Variants in ZBBX observed in about 807,000 individuals in gnomAD.
ZBBX encodes zinc finger B-box domain-containing protein 1.
In ZBBX, 101 loss-of-function variants were observed where a neutral mutation model predicts 108.5. The observed-to-expected ratio is 0.93, with a 90% CI of 0.79 to 1.10. The LOEUF (loss-of-function observed/expected upper bound fraction) is 1.10. Ranked by LOEUF, ZBBX falls within the 50% of genes least tolerant of loss-of-function variation. The probability of loss-of-function intolerance (pLI) is 0.00; values close to 1 mark genes in which losing one functional copy is unlikely to be tolerated. For missense variants in ZBBX, 1,009 were observed against 941.4 expected (o/e 1.07, Z -0.94); for synonymous variants, 356 against 323.4 (o/e 1.10, Z -1.08).
intron 20 of ZBBX, among the ~76,000 whole-genome samples, chr3:167,247,347 G>A (rs926894285): frequency 6.6e-6 from 1 of 152,158 alleles, no homozygotes; most frequent in African/African-American, 2.4e-5. Flanking sequence ...TAGGGCAGTC[G>A]GAGGAGAGCT....
intron 20 of ZBBX, among the ~76,000 whole-genome samples, chr3:167,266,505 C>T (rs368653569): frequency 1.8e-4 from 28 of 152,256 alleles, no homozygotes; most frequent in Admixed American, 5.9e-4. Flanking sequence ...TGAAACTGCA[C>T]GTCTCACAAG....
At chr3:167,264,414 T>G (rs1333700111) in intron 20 of ZBBX, among the ~76,000 whole-genome samples, 1 of 152,196 alleles carries the variant, frequency 6.6e-6, no homozygotes, top group African/African-American at 2.4e-5. Context: ...TTGCAAGTAA[T>G]ATGTTATAAC....
chr3:167,179,883 C>G, the ZBBX span, among the ~76,000 whole-genome samples: 1 of 152,148 alleles, frequency 6.6e-6, no homozygotes, highest in Admixed American at 6.5e-5. Flanking sequence ...CGAGAATACC[C>G]ACAAAGTCAA....
chr3:167,338,349 G>A (rs1489760425), intron 9 of ZBBX, among the ~76,000 whole-genome samples: 1 of 152,130 alleles, frequency 6.6e-6, no homozygotes, highest in East Asian at 1.9e-4. Context: ...TGGAATGGAT[G>A]GCACCTTGTA....
the ZBBX span, among the ~76,000 whole-genome samples, chr3:167,186,703 G>A: frequency 2.0e-5 from 3 of 151,942 alleles, no homozygotes; most frequent in East Asian, 5.8e-4. Context: ...ATACATAAAG[G>A]GTTTCTGCAA....
chr3:167,330,964 T>TCTCTCTCTCTCTCC (rs1310209358), intron 10 of ZBBX, among the ~76,000 whole-genome samples: 30 of 145,940 alleles, frequency 2.1e-4, no homozygotes, highest in African/African-American at 7.1e-4. Context: ...TCTCTCTCTC[T>TCTCTCTCTCTCTCC]CCCCCACTCC....
At chr3:167,317,741 T>C (rs1357697253) in intron 12 of ZBBX, 144 bp from the exon 13 acceptor site, 2 of 507,858 alleles carry the variant, frequency 3.9e-6, no homozygotes, top group African/African-American at 4.0e-5. Context: ...CAAAGATAAG[T>C]ACAATTGTAT....
chr3:167,330,859 GAGGAGGAGGAGGAGA>G (rs1366869956), intron 10 of ZBBX, among the ~76,000 whole-genome samples: 4,178 of 23,804 alleles, frequency 0.18, 210 homozygotes, highest in East Asian at 0.34. Context: ...GGAGGAGGAG[GAGGAGGAGGAGGAGA>G]AGAAGAAGAA....
intron 17 of ZBBX, among the ~76,000 whole-genome samples, chr3:167,300,723 C>A (rs1350706517): frequency 4.6e-5 from 7 of 151,628 alleles, no homozygotes; most frequent in Admixed American, 4.6e-4. Context: ...GATTCTCCTG[C>A]CTCAGCCTCC....
chr3:167,316,596 AAAT>A (rs1431360155), intron 14 of ZBBX, among the ~76,000 whole-genome samples: 1 of 152,094 alleles, frequency 6.6e-6, no homozygotes. Context: ...TTTAAACGGA[AAAT>A]AATATTAAAT....
intron 20 of ZBBX, among the ~76,000 whole-genome samples, chr3:167,268,608 A>C (rs1218454753): frequency 1.3e-5 from 2 of 152,088 alleles, no homozygotes; most frequent in Non-Finnish European, 2.9e-5. Flanking sequence ...AGATTGAAGG[A>C]CCAAACGAGA....
chr3:167,302,866 T>A (rs1732969302), intron 17 of ZBBX, among the ~76,000 whole-genome samples: 1 of 152,210 alleles, frequency 6.6e-6, no homozygotes, highest in African/African-American at 2.4e-5. Flanking sequence ...AATCCTGATC[T>A]TAGGAAATCC....
chr3:167,245,949 AC>A (rs776046128), intron 20 of ZBBX, among the ~76,000 whole-genome samples: 9 of 152,200 alleles, frequency 5.9e-5, no homozygotes, highest in Non-Finnish European at 1.0e-4. Flanking sequence ...GCATTGTTAT[AC>A]AGTGGCAAGA....
At chr3:167,401,955 G>T (rs958906677) in intron 1 of ZBBX, among the ~76,000 whole-genome samples, 2 of 152,122 alleles carry the variant, frequency 1.3e-5, no homozygotes, top group African/African-American at 4.8e-5. Context: ...CTGATTTCCA[G>T]AGAAAGGTGC....
chr3:167,331,999 T>C (rs911188270), intron 10 of ZBBX, among the ~76,000 whole-genome samples: 1 of 152,186 alleles, frequency 6.6e-6, no homozygotes, highest in African/African-American at 2.4e-5. Context: ...ATTGGTACCA[T>C]TTGGCTCTTC....
chr3:167,352,408 G>A (rs1000128170), intron 8 of ZBBX, among the ~76,000 whole-genome samples: 1 of 151,868 alleles, frequency 6.6e-6, no homozygotes, highest in African/African-American at 2.4e-5. Context: ...TCCTGGAAAC[G>A]CACAGCCTCT....
chr3:167,358,935 CAAAAAAAAAAAAAA>C (rs59753251), intron 8 of ZBBX, among the ~76,000 whole-genome samples: 2 of 66,230 alleles, frequency 3.0e-5, no homozygotes, highest in African/African-American at 6.6e-5. Context: ...GACTCCATCT[CAAAAAAAAAAAAAA>C]AAAAAAAAAA....
In ZBBX at chr3:167,350,475, A is replaced by G. The variant is rs1742434965; in HGVS notation, c.473T>C (p.Phe158Ser). The G allele has an allele frequency of 4.4e-6, 7 of 1,596,634 alleles. No individual in the cohort carries two copies. The East Asian group carries it at 1.6e-4, about 36-fold the overall frequency. ...TGCCCCTTTCTGGTGAACTTTAGCAAAGCATCCTGAACAATAATCTTCTCC... is the reference window on the plus strand; with the variant it reads ...TGCCCCTTTCTGGTGAACTTTAGCAGAGCATCCTGAACAATAATCTTCTCC... ...ECGEDYCSGC[F>S]AKVHQKGALK... The change falls in exon 9 of 22, where the codon TTT becomes TCT. Residue 158 changes from phenylalanine (F) to serine (S), a missense_variant. By Grantham distance (155) the Phe-to-Ser change is radical (BLOSUM62 -2). Transcript: ENST00000675490.
intron 10 of ZBBX, among the ~76,000 whole-genome samples, chr3:167,330,858 G>C (rs1297456418): frequency 1.4e-5 from 1 of 73,684 alleles, no homozygotes; most frequent in Non-Finnish European, 2.7e-5. Flanking sequence ...AGGAGGAGGA[G>C]GAGGAGGAGG....
Sources: allele counts gnomAD v4.1 joint callset (sites outside exome capture counted in the v4.1 genomes callset), GRCh38; gene constraint gnomAD v4.1.1; transcripts MANE v1.5; gene names NCBI Gene and HGNC (gene_info 2026-07-23, HGNC 2026-07-21).